SLC22A24: variants seen among roughly 807,000 people sequenced by gnomAD.
The protein encoded by SLC22A24 is steroid transmembrane transporter SLC22A24.
In SLC22A24, 53 loss-of-function variants were observed where a neutral mutation model predicts 49.8. The ratio of observed to expected loss-of-function variants is 1.06; its 90% CI spans 0.85 to 1.34. SLC22A24 has a LOEUF of 1.34. Among genes scored for constraint, SLC22A24 ranks in the 40% most tolerant of loss-of-function variants. SLC22A24 has a pLI of 0.00. For missense variants in SLC22A24, 786 were observed against 675.9 expected (o/e 1.16, Z -1.81); for synonymous variants, 302 against 256.4 (o/e 1.18, Z -1.70).
intron 2 of SLC22A24, among the ~76,000 whole-genome samples, chr11:63,123,591 T>C (rs2087267380): frequency 6.6e-6 from 1 of 152,188 alleles, no homozygotes; most frequent in South Asian, 2.1e-4. Flanking sequence ...AAAGCAGACA[T>C]CTTGACTTTC....
chr11:63,114,433 C>T (rs1216351027), intron 4 of SLC22A24, among the ~76,000 whole-genome samples: 1 of 152,108 alleles, frequency 6.6e-6, no homozygotes, highest in African/African-American at 2.4e-5. Flanking sequence ...TTAAGGTCTT[C>T]TCTACACTGT....
chr11:63,087,456 C>T (rs994706206), intron 6 of SLC22A24, among the ~76,000 whole-genome samples: 1 of 152,200 alleles, frequency 6.6e-6, no homozygotes, highest in African/African-American at 2.4e-5. Context: ...TGTGCCTATA[C>T]CACCAGGGCC....
chr11:63,110,909 G>A (rs1298171723), intron 4 of SLC22A24, among the ~76,000 whole-genome samples: 138 of 150,950 alleles, frequency 9.1e-4, no homozygotes, highest in Admixed American at 1.8e-3. Context: ...GTGAGAGAGG[G>A]CATCCCTGTC....
At chr11:63,140,931 C>T (rs370700315) in intron 1 of SLC22A24, among the ~76,000 whole-genome samples, 7 of 152,066 alleles carry the variant, frequency 4.6e-5, no homozygotes, top group African/African-American at 1.2e-4. Context: ...TTTTGTAAAG[C>T]GTTAATCTTA....
chr11:63,099,371 ATTTTTTTTT>A lies in SLC22A24; in HGVS notation c.955-3274_955-3266del, dbSNP rs56708217. Among the ~76,000 whole-genome samples, 53 of 52,332 alleles carry A rather than the reference ATTTTTTTTT, an allele frequency of 1.0e-3. 1 individual carries two copies. The highest frequency in any genetic ancestry group is 2.5e-3 in the South Asian group (2 of 812). 34.3% of individuals were successfully genotyped at this position (52,332 alleles called of 152,430 possible). A position where few individuals can be genotyped will look rare whatever the true frequency, so the allele number is the denominator to read the frequency against. ...CCACCACACCTGGCTAATTTTTAAGATTTTTTTTTTTTTTTTTTTTTTTTTTTTTGTAGA... is the reference window on the plus strand; with the variant it reads ...CCACCACACCTGGCTAATTTTTAAGATTTTTTTTTTTTTTTTTTTTGTAGA... On this transcript the variant is annotated intron_variant, in intron 5 of 9. Transcript: ENST00000612278.
In SLC22A24 at chr11:63,097,762, C is replaced by T. The variant is rs1395058684; in HGVS notation, c.955-1656G>A. 7.2e-5 allele frequency among the ~76,000 whole-genome samples: 11 copies of T among 152,000 alleles called. No homozygotes were observed. The South Asian group carries it at 2.1e-3, about 29-fold the overall frequency. On this transcript the variant is annotated intron_variant, in intron 5 of 9. Transcript: ENST00000612278. Reference sequence around the variant, plus strand: ...AAAATAATGAGTTCATGTCCTTCATCCATGTCCCTACATGGATGAAGCTGG... The same window carrying T: ...AAAATAATGAGTTCATGTCCTTCATTCATGTCCCTACATGGATGAAGCTGG...
intron 7 of SLC22A24, among the ~76,000 whole-genome samples, chr11:63,082,009 T>A (rs1162850674): frequency 3.9e-5 from 6 of 152,212 alleles, no homozygotes. Context: ...AGAACTATAT[T>A]TGTTCTATTA....
rs547939745 is a variant in SLC22A24, at chr11:63,125,875, T to C, written c.507-6540A>G. ...CTAACTGGTGTGAGATGGTATCTCATTGTGGTTTTGATTTGCATTTCTCTG... is the reference window on the plus strand; with the variant it reads ...CTAACTGGTGTGAGATGGTATCTCACTGTGGTTTTGATTTGCATTTCTCTG... On this transcript the variant is annotated intron_variant, in intron 2 of 9. Coordinates refer to ENST00000612278, the MANE Select transcript of SLC22A24 (RefSeq NM_001136506.2). Among the ~76,000 whole-genome samples, 4 of 152,330 alleles carry C rather than the reference T, an allele frequency of 2.6e-5. No homozygotes were observed. The South Asian group carries it at 8.3e-4, about 32-fold the overall frequency.
At position 63,104,298 on chromosome 11, in the gene SLC22A24, C is replaced by T. The variant is rs2087107779; in HGVS notation, c.831G>A (p.Trp277Ter). The T allele has an allele frequency of 1.3e-6, 2 of 1,547,710 alleles. No individual in the cohort carries two copies. The highest frequency in any genetic ancestry group is 2.4e-5 in the South Asian group (2 of 83,412). Residue 277 changes from tryptophan (W) to a stop codon, truncating the protein, a stop_gained and splice_region_variant, in exon 5 of 10, where the codon TGG becomes TGA. Transcript: ENST00000612278. LOFTEE classifies it high-confidence loss of function. ...GCCACCGAGCAGACTCCACCATCTT[C>T]CTGATGAAAGAAGACAACATAGGTA... Reference protein sequence around the residue: ...TPIIVLFLSSWKMVESARWLI... With the variant: ...TPIIVLFLSS
At chr11:63,141,288 T>C (rs975990400) in intron 1 of SLC22A24, among the ~76,000 whole-genome samples, 6 of 152,192 alleles carry the variant, frequency 3.9e-5, no homozygotes, top group Admixed American at 3.3e-4. Flanking sequence ...TAAAAGATAA[T>C]GAAAGGGTTT....
At chr11:63,110,961 C>T (rs374007146) in intron 4 of SLC22A24, among the ~76,000 whole-genome samples, 6 of 151,842 alleles carry the variant, frequency 4.0e-5, no homozygotes, top group Non-Finnish European at 5.9e-5. Context: ...TTTTTGCCCA[C>T]TCAGTATGAT....
Position 63,102,827 on chromosome 11 carries a change from A to G in SLC22A24, c.954+1348T>C, listed in dbSNP as rs75200594. 3.2e-3 allele frequency among the ~76,000 whole-genome samples: 492 copies of G among 152,278 alleles called. 3 individuals are homozygous for G. The highest frequency in any genetic ancestry group is 0.011 in the African/African-American group (458 of 41,574). On this transcript the variant is annotated intron_variant, in intron 5 of 9. Transcript: ENST00000612278. ...TCTAACGTTTGCCTGGCTGCACTTCATAATTGCTCTGAACTCCTTGTACCT... is the reference window on the plus strand; with the variant it reads ...TCTAACGTTTGCCTGGCTGCACTTCGTAATTGCTCTGAACTCCTTGTACCT...
At chr11:63,094,516 G>A (rs527496086) in intron 6 of SLC22A24, among the ~76,000 whole-genome samples, 47 of 152,148 alleles carry the variant, frequency 3.1e-4, no homozygotes, top group South Asian at 1.5e-3. Context: ...TGGCTGGGTC[G>A]ACTGGTATTT....
At position 63,083,229 on chromosome 11, in the gene SLC22A24, CCT is replaced by C. The variant is rs1165173998; in HGVS notation, c.1285+12_1285+13del. Reference sequence around the variant, plus strand: ...GGTAACTACTTTCTTTCCTGAAACTCCTGTCTCTCTCACCTTGGGGCAAAAAG... The same window carrying C: ...GGTAACTACTTTCTTTCCTGAAACTCGTCTCTCTCACCTTGGGGCAAAAAG... On this transcript the variant is annotated intron_variant, in intron 7 of 9. Transcript: ENST00000612278. 1 of 1,548,140 alleles carries C rather than the reference CCT, an allele frequency of 6.5e-7. No homozygotes were observed. Among genetic ancestry groups the C allele is most frequent in the Non-Finnish European group, 8.7e-7 (1 of 1,143,706 alleles).
chr11:63,106,079 C>A, intron 4 of SLC22A24, among the ~76,000 whole-genome samples: 1 of 125,552 alleles, frequency 8.0e-6, no homozygotes, highest in Admixed American at 8.6e-5. Flanking sequence ...TATCCCTCCC[C>A]CCTCCCCCCA....
intron 2 of SLC22A24, among the ~76,000 whole-genome samples, chr11:63,130,354 G>C (rs1408059660): frequency 6.6e-6 from 1 of 152,174 alleles, no homozygotes; most frequent in African/African-American, 2.4e-5. Flanking sequence ...TAAGCTTTTT[G>C]ATGTGCTGCT....
chr11:63,139,468 G>A (rs2087399169), intron 1 of SLC22A24, among the ~76,000 whole-genome samples: 1 of 152,128 alleles, frequency 6.6e-6, no homozygotes, highest in African/African-American at 2.4e-5. Flanking sequence ...ATATACCTTA[G>A]GGGATGGCTA....
intron 2 of SLC22A24, among the ~76,000 whole-genome samples, chr11:63,122,271 C>A (rs1040365916): frequency 2.6e-5 from 4 of 152,182 alleles, no homozygotes; most frequent in Non-Finnish European, 4.4e-5. Flanking sequence ...TAGTCTCACA[C>A]GCTCTTTCAT....
chr11:63,121,820 T>C lies in SLC22A24; in HGVS notation c.507-2485A>G, dbSNP rs551020955. Among the ~76,000 whole-genome samples, 276 of 152,168 alleles carry C rather than the reference T, an allele frequency of 1.8e-3. 2 individuals are homozygous for C. Among genetic ancestry groups the C allele is most frequent in the South Asian group, 4.6e-3 (22 of 4,814 alleles). On this transcript the variant is annotated intron_variant, in intron 2 of 9. Coordinates refer to ENST00000612278, the MANE Select transcript of SLC22A24 (RefSeq NM_001136506.2). ...CCACCCCACAACAGTCCCCGGAGTG[T>C]GATGTTCCCCTTCCTGTGTCCATGT...
Sources: allele counts gnomAD v4.1 joint callset (sites outside exome capture counted in the v4.1 genomes callset), GRCh38; gene constraint gnomAD v4.1.1; transcripts MANE v1.5; gene names NCBI Gene and HGNC (gene_info 2026-07-23, HGNC 2026-07-21).